ZNF532: variants seen among roughly 807,000 people sequenced by gnomAD.
ZNF532 encodes zinc finger protein 532.
In ZNF532, 22 loss-of-function variants were observed where a neutral mutation model predicts 89.3. The ratio of observed to expected loss-of-function variants is 0.25; its 90% CI spans 0.18 to 0.35. ZNF532 has a LOEUF of 0.35. ZNF532 is among the 10% of genes least tolerant of loss of function. The pLI is 1.00. For synonymous variants in ZNF532, 606 were observed against 649.6 expected (o/e 0.93, Z 1.02); for missense variants, 1,132 against 1,643.4 (o/e 0.69, Z 5.38).
intron 2 of ZNF532, among the ~76,000 whole-genome samples, chr18:58,905,403 C>CTTTT (rs11376624): frequency 1.4e-5 from 2 of 139,336 alleles, no homozygotes; most frequent in African/African-American, 5.4e-5. Flanking sequence ...TTTTTTCTTT[C>CTTTT]TTTTTTTTTT....
intron 6 of ZNF532, among the ~76,000 whole-genome samples, chr18:58,951,907 C>A (rs982436136): frequency 1.3e-5 from 2 of 152,136 alleles, no homozygotes; most frequent in Admixed American, 1.3e-4. Flanking sequence ...CCTCGGCCTC[C>A]CAAAGTGCTG....
chr18:58,924,890 C>A (rs569212978), intron 3 of ZNF532, among the ~76,000 whole-genome samples: 1 of 152,244 alleles, frequency 6.6e-6, no homozygotes, highest in South Asian at 2.1e-4. Context: ...GTGTATAACT[C>A]CTTAGGATTG....
At chr18:58,911,941 G>A (rs538070102) in intron 2 of ZNF532, among the ~76,000 whole-genome samples, 2 of 152,152 alleles carry the variant, frequency 1.3e-5, no homozygotes, top group Non-Finnish European at 2.9e-5. Context: ...TAGGCCGAGT[G>A]GGGGAGGTTG....
In ZNF532 at chr18:58,934,528, T is replaced by C. The variant is rs772245321; in HGVS notation, c.2442T>C (p.Pro814=). The C allele has an allele frequency of 2.5e-6, 4 of 1,614,164 alleles. No homozygotes were observed. In the South Asian group the frequency reaches 3.3e-5, roughly 13 times the overall value. The change falls in exon 4 of 10, where the codon CCT becomes CCC. Residue 814 remains proline (P), a synonymous_variant. Coordinates refer to ENST00000591808, the MANE Select transcript of ZNF532 (RefSeq NM_001375912.1). ...AGCACAAATCTCCCTACACCTGCCC[T>C]GAGTGTGGGGCCATCTGCAGGTCGG... is the stretch of plus-strand genomic sequence containing the variant. ...IHQHKSPYTC[P]ECGAICRSVH... is the part of the protein sequence containing the mutation.
chr18:58,985,516 C>G lies in ZNF532; in HGVS notation c.*1050C>G, dbSNP rs933471708. On this transcript the variant is annotated 3_prime_UTR_variant, in exon 10 of 10. Coordinates refer to ENST00000591808, the MANE Select transcript of ZNF532 (RefSeq NM_001375912.1). Reference sequence around the variant, plus strand: ...TAGAGTCGGGATGCACAACTTCAACCACCGACTTATCAATGCAGCCGCCTG... The same window carrying G: ...TAGAGTCGGGATGCACAACTTCAACGACCGACTTATCAATGCAGCCGCCTG... 1 of 152,578 alleles carries G rather than the reference C, an allele frequency of 6.6e-6. No homozygotes were observed. Among genetic ancestry groups the G allele is most frequent in the African/African-American group, 2.4e-5 (1 of 41,426 alleles). The allele number at this position is 152,578 out of a possible 1,614,324, so 9.5% of individuals were successfully genotyped here. A position where few individuals can be genotyped will look rare whatever the true frequency, so the allele number is the denominator to read the frequency against.
intron 9 of ZNF532, 146 bp from the exon 10 acceptor site, chr18:58,983,826 G>A (rs1452682989): frequency 1.1e-6 from 1 of 934,362 alleles, no homozygotes; most frequent in Admixed American, 2.8e-5. Flanking sequence ...CTCCGGGTGG[G>A]GTGGCAGACA....
chr18:58,973,470 C>T (rs1603336758), intron 7 of ZNF532, among the ~76,000 whole-genome samples: 1 of 152,332 alleles, frequency 6.6e-6, no homozygotes, highest in East Asian at 1.9e-4. Flanking sequence ...CAAAATACTA[C>T]TGGCCACCCT....
chr18:58,911,014 A>G (rs569387420), intron 2 of ZNF532, among the ~76,000 whole-genome samples: 1 of 152,162 alleles, frequency 6.6e-6, no homozygotes, highest in Admixed American at 6.5e-5. Flanking sequence ...AAAGTGTTGG[A>G]ATCACAGTCA....
chr18:58,880,407 A>G (rs187851191), intron 2 of ZNF532, among the ~76,000 whole-genome samples: 31 of 152,288 alleles, frequency 2.0e-4, no homozygotes, highest in Non-Finnish European at 4.3e-4. Flanking sequence ...AGGTTAATGG[A>G]TATGCCAAGG....
At chr18:58,892,411 T>A (rs942530959) in intron 2 of ZNF532, among the ~76,000 whole-genome samples, 4 of 152,234 alleles carry the variant, frequency 2.6e-5, no homozygotes, top group Admixed American at 2.6e-4. Flanking sequence ...ATCTGGGATA[T>A]GTTACTGAGT....
At chr18:58,877,122 G>A (rs1217560377) in intron 2 of ZNF532, among the ~76,000 whole-genome samples, 1 of 152,158 alleles carries the variant, frequency 6.6e-6, no homozygotes, top group Non-Finnish European at 1.5e-5. Context: ...AGTATCCAGT[G>A]AGAGATGCGG....
intron 2 of ZNF532, among the ~76,000 whole-genome samples, chr18:58,876,156 G>C (rs534620782): frequency 1.3e-5 from 2 of 151,932 alleles, no homozygotes; most frequent in African/African-American, 2.4e-5. Flanking sequence ...GGATGGTCTC[G>C]ATCTCCTGAC....
Position 58,920,533 on chromosome 18 carries a change from T to C in ZNF532, c.2246T>C (p.Leu749Pro), listed in dbSNP as rs1240231515. The change falls in exon 3 of 10, where the codon CTG becomes CCG. Residue 749 changes from leucine to proline, a missense_variant. By Grantham distance (98) the Leu-to-Pro change is moderately conservative. Transcript: ENST00000591808. The stretch of plus-strand genomic sequence containing the variant: ...CCCCTAGATGAAGACCCCTCCAAAC[T>C]GTGTAGACATAGTCTAAAATGTTTG... Reference protein sequence around the residue: ...AMPLDEDPSKLCRHSLKCLEC... With the variant: ...AMPLDEDPSKPCRHSLKCLEC... The C allele has an allele frequency of 1.2e-6, 2 of 1,613,758 alleles. No individual in the cohort carries two copies. The highest frequency in any genetic ancestry group is 1.1e-5 in the South Asian group (1 of 91,066).
intron 7 of ZNF532, among the ~76,000 whole-genome samples, chr18:58,963,933 A>G (rs2078544508): frequency 2.0e-5 from 3 of 152,050 alleles, no homozygotes; most frequent in Non-Finnish European, 4.4e-5. Flanking sequence ...TCTCCCTGAA[A>G]CTTGTTTAGA....
intron 2 of ZNF532, among the ~76,000 whole-genome samples, chr18:58,868,454 C>CA (rs1443784510): frequency 6.6e-6 from 1 of 152,222 alleles, no homozygotes; most frequent in Non-Finnish European, 1.5e-5. Flanking sequence ...CACACCAGAG[C>CA]ATTTCCTCTT....
At chr18:58,864,642 C>T (rs11874390), upstream of ZNF532, 2,566 of 150,004 alleles carry the variant, frequency 0.017, 75 homozygotes, top group African/African-American at 0.06. Context: ...GTGAGCATTT[C>T]CAAGGCTGTG....
In ZNF532 at chr18:58,953,538, A is replaced by C. The variant is rs1288774040; in HGVS notation, c.2889A>C (p.Lys963Asn). The change falls in exon 7 of 10, where the codon AAA becomes AAC. Residue 963 changes from lysine to asparagine, a missense_variant. Lys to Asn is a moderately conservative substitution (Grantham distance 94). Around this residue, in one of 9 missense-constraint regions of ZNF532, gnomAD observed 415 missense variants for 604.8 expected, o/e 0.69. Transcript: ENST00000591808. ...TGTAGTCTATGCATGGAACATTGAA[A>C]AGTATTGAAGGGCCTCCAAACTTGG... ...DHIKSMHGTL[K>N]SIEGPPNLGI... is the part of the protein sequence containing the mutation. 6.2e-7 allele frequency: 1 copy of C among 1,610,890 alleles called. No homozygotes were observed. The highest frequency in any genetic ancestry group is 2.2e-5 in the East Asian group (1 of 44,886).
chr18:58,918,943 A>C lies in ZNF532; in HGVS notation c.656A>C (p.Lys219Thr). The C allele has an allele frequency of 2.5e-6, 4 of 1,613,888 alleles. No homozygotes were observed. Among genetic ancestry groups the C allele is most frequent in the Non-Finnish European group, 3.4e-6 (4 of 1,180,034 alleles). ...SINLSVYEPF[K>T]VRKAEDKLKE... The stretch of plus-strand genomic sequence containing the variant: ...AACCTGAGTGTTTATGAACCTTTTA[A>C]AGTCAGAAAAGCAGAGGATAAATTG... The change falls in exon 3 of 10, where the codon AAA becomes ACA. Residue 219 changes from lysine (K) to threonine (T), a missense_variant. Physicochemically the swap from Lys to Thr is moderately conservative, Grantham distance 78. Coordinates refer to ENST00000591808, the MANE Select transcript of ZNF532 (RefSeq NM_001375912.1).
rs550333280 is a variant in ZNF532, at chr18:58,882,778, A to G, written c.-18+17199A>G. ...AGAATAATTTCTTAAACCCAGCTTTACGTTTGTCCCAGAGATATCTCATCC... is the reference window on the plus strand; with the variant it reads ...AGAATAATTTCTTAAACCCAGCTTTGCGTTTGTCCCAGAGATATCTCATCC... On this transcript the variant is annotated intron_variant, in intron 2 of 9. Coordinates refer to ENST00000591808, the MANE Select transcript of ZNF532 (RefSeq NM_001375912.1). Among the ~76,000 whole-genome samples, 3 of 152,296 alleles carry G rather than the reference A, an allele frequency of 2.0e-5. No homozygotes were observed. In the South Asian group the frequency reaches 6.2e-4, roughly 32 times the overall value.
Sources: allele counts gnomAD v4.1 joint callset (sites outside exome capture counted in the v4.1 genomes callset), GRCh38; gene constraint gnomAD v4.1.1; regional missense constraint gnomAD v4.1.1; transcripts MANE v1.5; gene names NCBI Gene and HGNC (gene_info 2026-07-23, HGNC 2026-07-21).